ZNF83: variants seen among roughly 807,000 people sequenced by gnomAD.
ZNF83 encodes zinc finger protein 83.
For missense variants in ZNF83, 552 were observed against 629.9 expected, an observed-to-expected ratio of 0.88 and a Z score of 1.32; for synonymous variants, 209 against 213.0, an observed-to-expected ratio of 0.98 and a Z score of 0.17.
chr19:52,659,995 A>C (rs910781282), intron 2 of ZNF83, among the ~76,000 whole-genome samples: 1 of 152,190 alleles, frequency 6.6e-6, no homozygotes, highest in African/African-American at 2.4e-5. Context: ...GTTCGAGACC[A>C]GTCTGGCCAA....
chr19:52,643,927 G>A (rs1302363535), intron 3 of ZNF83, among the ~76,000 whole-genome samples: 2 of 152,178 alleles, frequency 1.3e-5, no homozygotes, highest in East Asian at 3.9e-4. Flanking sequence ...TGTGACTGGG[G>A]CAGAGGTAGT....
intron 2 of ZNF83, among the ~76,000 whole-genome samples, chr19:52,623,620 T>G (rs542117462): frequency 1.2e-4 from 19 of 152,122 alleles, no homozygotes; most frequent in Admixed American, 2.0e-4. Context: ...CTTCCTCTTG[T>G]ATCCCCCCAC....
At chr19:52,620,882 C>G (rs1568535529) in intron 2 of ZNF83, among the ~76,000 whole-genome samples, 2 of 152,198 alleles carry the variant, frequency 1.3e-5, no homozygotes, top group African/African-American at 4.8e-5. Flanking sequence ...ACAATGAGTC[C>G]TATGACCTCC....
At chr19:52,641,161 C>CCCGCCCCAGGCTTGTTCCAGGCA (rs2061300088), upstream of ZNF83, among the ~76,000 whole-genome samples, 1 of 151,960 alleles carries the variant, frequency 6.6e-6, no homozygotes. Flanking sequence ...TCCCTCTTGC[C>CCCGCCCCAGGCTTGTTCCAGGCA]CCGCCCCAGT....
chr19:52,659,453 A>G (rs1235222377), intron 2 of ZNF83, among the ~76,000 whole-genome samples: 1 of 152,168 alleles, frequency 6.6e-6, no homozygotes, highest in East Asian at 1.9e-4. Flanking sequence ...CAGTTGCTTA[A>G]GGCTACTGGT....
At chr19:52,617,762 A>T in intron 2 of ZNF83, 1 of 144,956 alleles carries the variant, frequency 6.9e-6, no homozygotes, top group East Asian at 2.0e-4. Context: ...AAAAATTCCC[A>T]CCCATCTTAT....
intron 2 of ZNF83, among the ~76,000 whole-genome samples, chr19:52,624,472 G>A (rs2060661867): frequency 6.6e-6 from 1 of 152,136 alleles, no homozygotes; most frequent in Non-Finnish European, 1.5e-5. Context: ...ACCTGGCTTT[G>A]CTGTCCTAAC....
intron 2 of ZNF83, among the ~76,000 whole-genome samples, chr19:52,621,605 A>G (rs1032097721): frequency 5.3e-5 from 8 of 151,530 alleles, no homozygotes; most frequent in African/African-American, 1.5e-4. Context: ...CTGTGTCTCT[A>G]CCCCTCTTTT....
At chr19:52,669,558 C>CA (rs2061696030) in intron 1 of ZNF83, among the ~76,000 whole-genome samples, 1 of 152,166 alleles carries the variant, frequency 6.6e-6, no homozygotes, top group African/African-American at 2.4e-5. Context: ...AATTAAAACT[C>CA]AGTGTTGTAC....
chr19:52,676,191 T>C (rs554211942), intron 1 of ZNF83, among the ~76,000 whole-genome samples: 196 of 152,286 alleles, frequency 1.3e-3, no homozygotes, highest in African/African-American at 2.5e-3. Flanking sequence ...CTGTGTTGGT[T>C]GGGCTGGTCT....
chr19:52,629,211 C>T (rs1480201457), intron 2 of ZNF83, among the ~76,000 whole-genome samples: 2 of 152,144 alleles, frequency 1.3e-5, no homozygotes, highest in African/African-American at 4.8e-5. Flanking sequence ...TCAATTTTTC[C>T]ACCCTGCAAG....
chr19:52,652,513 T>A (rs1034641760), intron 3 of ZNF83: 2 of 452,784 alleles, frequency 4.4e-6, no homozygotes, highest in Middle Eastern at 3.4e-4. Flanking sequence ...GTGTTTTGCA[T>A]AAGATGAAGC....
At chr19:52,676,528 G>A (rs1395126934) in intron 1 of ZNF83, among the ~76,000 whole-genome samples, 6 of 151,152 alleles carry the variant, frequency 4.0e-5, no homozygotes, top group African/African-American at 7.3e-5. Context: ...CCGGCCAGCC[G>A]CCCCGTCTGG....
intron 1 of ZNF83, among the ~76,000 whole-genome samples, 192 bp downstream of exon 1, chr19:52,638,120 G>A (rs1360377815): frequency 6.6e-6 from 1 of 152,194 alleles, no homozygotes; most frequent in African/African-American, 2.4e-5. Flanking sequence ...CAGAAAGACC[G>A]GGGACAGCCC....
chr19:52,634,920 G>T, intron 2 of ZNF83, 146 bp downstream of exon 2: 1 of 783,926 alleles, frequency 1.3e-6, no homozygotes, highest in South Asian at 1.6e-5. Context: ...TAAGTGAGAT[G>T]AGAGGGACTG....
exon 3 of ZNF83, chr19:52,613,376 C>T (rs1406831486): frequency 2.5e-6 from 4 of 1,613,528 alleles, no homozygotes; most frequent in Non-Finnish European, 2.5e-6. Flanking sequence ...GGTTTCTCTC[C>T]AGTATGGATT....
chr19:52,625,598 C>T (rs188688000), intron 2 of ZNF83, among the ~76,000 whole-genome samples: 26 of 152,234 alleles, frequency 1.7e-4, no homozygotes, highest in Admixed American at 5.9e-4. Context: ...CTTCCAGCTC[C>T]GTATTACAGA....
In ZNF83 at chr19:52,668,113, A is replaced by AG. The variant is rs565438369; in HGVS notation, c.-282-7271dup. On this transcript the variant is annotated intron_variant, in intron 1 of 5. Coordinates refer to the ZNF83 transcript ENST00000594682. ...CCACCTTCTCTTCCTTTAAAACAAG[A>AG]GTCTCTCAGCACAGGCGCCAGCTTC... is the stretch of plus-strand genomic sequence containing the variant. Among the ~76,000 whole-genome samples, 420 of 152,294 alleles carry AG rather than the reference A, an allele frequency of 2.8e-3. 3 individuals are homozygous for AG. The highest frequency in any genetic ancestry group is 4.0e-3 in the Non-Finnish European group (270 of 68,026).
At chr19:52,681,280 C>CAAAAAAAAAAAAAAAAAAAAAAAA (rs56916405) in intron 1 of ZNF83, among the ~76,000 whole-genome samples, 3 of 75,438 alleles carry the variant, frequency 4.0e-5, no homozygotes, top group African/African-American at 9.5e-5. Flanking sequence ...GAGACTTTCT[C>CAAAAAAAAAAAAAAAAAAAAAAAA]AAAAAAAAAA....
Sources: allele counts gnomAD v4.1 joint callset (sites outside exome capture counted in the v4.1 genomes callset), GRCh38; gene constraint gnomAD v4.1.1; transcripts MANE v1.5; gene names NCBI Gene and HGNC (gene_info 2026-07-23, HGNC 2026-07-21).